Variants in NBAS observed in about 807,000 individuals in gnomAD.
NBAS encodes NAG/BC035112 fusion.
NBAS carries 219 observed loss-of-function variants against 302.5 expected under a neutral mutation model. The ratio of observed to expected loss-of-function variants is 0.72; its 90% CI spans 0.65 to 0.81. The LOEUF is 0.81. NBAS is among the 30% of genes least tolerant of loss of function. The probability of loss-of-function intolerance (pLI) is 0.00; values close to 1 mark genes in which losing one functional copy is unlikely to be tolerated. For missense variants in NBAS, 2,932 were observed against 2,841.6 expected (o/e 1.03, Z -0.72); for synonymous variants, 1,118 against 1,021.6 (o/e 1.09, Z -1.80).
At chr2:15,456,474 A>G (rs1157693543) in intron 21 of NBAS, among the ~76,000 whole-genome samples, 1 of 152,206 alleles carries the variant, frequency 6.6e-6, no homozygotes, top group Non-Finnish European at 1.5e-5. Flanking sequence ...TCTTTCAAAA[A>G]AATACTTCCT....
intron 9 of NBAS, among the ~76,000 whole-genome samples, chr2:15,518,075 G>C (rs908576938): frequency 1.4e-5 from 2 of 139,304 alleles, no homozygotes; most frequent in African/African-American, 5.3e-5. Context: ...AGAACATCAA[G>C]ATACAATGTC....
At chr2:15,085,000 G>A in the NBAS span, among the ~76,000 whole-genome samples, 2 of 152,242 alleles carry the variant, frequency 1.3e-5, no homozygotes, top group Non-Finnish European at 2.9e-5. Context: ...CAGGGAGCAT[G>A]CAGGGAGGAG....
At chr2:15,557,560 A>G (rs1326313969) in intron 2 of NBAS, among the ~76,000 whole-genome samples, 3 of 152,252 alleles carry the variant, frequency 2.0e-5, no homozygotes, top group African/African-American at 7.2e-5. Context: ...AAAATTAACT[A>G]TAATTAACTG....
At chr2:15,363,953 T>C (rs1276503113) in intron 32 of NBAS, among the ~76,000 whole-genome samples, 1 of 152,178 alleles carries the variant, frequency 6.6e-6, no homozygotes, top group Non-Finnish European at 1.5e-5. Flanking sequence ...CAGATCGCTC[T>C]AGGAGAAACC....
chr2:14,971,551 GA>G, the NBAS span, among the ~76,000 whole-genome samples: 1 of 152,062 alleles, frequency 6.6e-6, no homozygotes, highest in Admixed American at 6.6e-5. Flanking sequence ...AACTGCCAAA[GA>G]GCCATTATTT....
At chr2:14,860,274 G>C in the NBAS span, among the ~76,000 whole-genome samples, 2 of 152,088 alleles carry the variant, frequency 1.3e-5, no homozygotes, top group Non-Finnish European at 2.9e-5. Context: ...ACATCATGGT[G>C]TTTCCTCAAA....
chr2:15,024,345 T>C, the NBAS span, among the ~76,000 whole-genome samples: 1 of 152,200 alleles, frequency 6.6e-6, no homozygotes, highest in East Asian at 1.9e-4. Context: ...ACATGGTATA[T>C]ATGTACCACA....
chr2:15,073,129 AAAC>A, the NBAS span, among the ~76,000 whole-genome samples: 2 of 152,082 alleles, frequency 1.3e-5, no homozygotes, highest in South Asian at 2.1e-4. Flanking sequence ...GACTCAAAAC[AAAC>A]AACAACAACA....
intron 47 of NBAS, among the ~76,000 whole-genome samples, chr2:15,229,795 A>G (rs1343564932): frequency 6.6e-6 from 1 of 151,816 alleles, no homozygotes; most frequent in Non-Finnish European, 1.5e-5. Flanking sequence ...AAAAAAAAAG[A>G]AAAGAAAAAA....
chr2:15,309,055 GA>G (rs1007376956), intron 39 of NBAS, 115 bp downstream of exon 39: 34 of 481,482 alleles, frequency 7.1e-5, no homozygotes, highest in South Asian at 1.2e-4. Context: ...ATAAATAAAA[GA>G]AAAAAAAGAA....
chr2:15,473,153 G>T, intron 16 of NBAS, 69 bp downstream of exon 16: 1 of 1,543,260 alleles, frequency 6.5e-7, no homozygotes, highest in Non-Finnish European at 8.9e-7. Context: ...ACTCTAAAAT[G>T]AAGCCCTATA....
chr2:15,449,518 TC>T (rs1444425988), intron 21 of NBAS, among the ~76,000 whole-genome samples: 10 of 152,160 alleles, frequency 6.6e-5, no homozygotes, highest in African/African-American at 2.4e-4. Context: ...TCAACATACT[TC>T]CAAGGCCCAA....
At chr2:15,207,079 C>A (rs933833848) in intron 48 of NBAS, among the ~76,000 whole-genome samples, 34 of 152,310 alleles carry the variant, frequency 2.2e-4, no homozygotes, top group African/African-American at 8.2e-4. Flanking sequence ...GCAATCAACG[C>A]CAGCCTGAGA....
chr2:15,214,789 C>G (rs972641393), intron 48 of NBAS, among the ~76,000 whole-genome samples: 3 of 152,124 alleles, frequency 2.0e-5, no homozygotes, highest in African/African-American at 7.2e-5. Flanking sequence ...GAAATATAGT[C>G]AAACTGGTTT....
At chr2:15,194,941 T>A (rs1430319306) in intron 48 of NBAS, among the ~76,000 whole-genome samples, 1 of 152,104 alleles carries the variant, frequency 6.6e-6, no homozygotes, top group Non-Finnish European at 1.5e-5. Context: ...AAATTGTCTA[T>A]ATAGAAAATT....
chr2:15,535,555 T>TAAATAAATAAAC (rs1218920582), intron 8 of NBAS, among the ~76,000 whole-genome samples: 29 of 91,442 alleles, frequency 3.2e-4, no homozygotes, highest in African/African-American at 8.9e-4. Flanking sequence ...AATAAATAAA[T>TAAATAAATAAAC]AAATAAATAA....
At chr2:14,816,342 A>G in the NBAS span, among the ~76,000 whole-genome samples, 1 of 152,212 alleles carries the variant, frequency 6.6e-6, no homozygotes, top group Non-Finnish European at 1.5e-5. Context: ...TATGCATCTG[A>G]GGGATCTAGG....
At chr2:15,031,791 G>C in the NBAS span, among the ~76,000 whole-genome samples, 1 of 152,252 alleles carries the variant, frequency 6.6e-6, no homozygotes, top group Non-Finnish European at 1.5e-5. Context: ...GCGAGCAAGT[G>C]TGTGCTGAAT....
chr2:14,833,777 C>T, the NBAS span, among the ~76,000 whole-genome samples: 2 of 151,638 alleles, frequency 1.3e-5, no homozygotes, highest in Admixed American at 1.3e-4. Context: ...GTCAACTGAC[C>T]CCCGAGACTG....
Sources: gnomAD v4.1 joint callset for allele counts (sites outside exome capture counted in the v4.1 genomes callset) on GRCh38, gnomAD v4.1.1 for gene constraint, MANE v1.5 for transcripts, NCBI Gene and HGNC (gene_info 2026-07-23, HGNC 2026-07-21) for gene names.